The following C1orf94 variants were observed in gnomAD, a reference collection of about 807,000 sequenced individuals.
The protein encoded by C1orf94 is chromosome 1 open reading frame 94.
In C1orf94, 45 loss-of-function variants were observed where a neutral mutation model predicts 53.6. The observed-to-expected ratio is 0.84, with a 90% confidence interval of 0.66 to 1.08. C1orf94 has a LOEUF of 1.08. Among genes scored for constraint, C1orf94 ranks in the 50% least tolerant of loss-of-function variants. The pLI is 0.00. For missense variants in C1orf94, 762 were observed against 738.9 expected, an observed-to-expected ratio of 1.03 and a Z score of -0.36; for synonymous variants, 304 against 296.1, an observed-to-expected ratio of 1.03 and a Z score of -0.27.
At chr1:34,209,341 T>G (rs996439705) in intron 5 of C1orf94, among the ~76,000 whole-genome samples, 4 of 144,492 alleles carry the variant, frequency 2.8e-5, no homozygotes, top group Admixed American at 1.4e-4. Flanking sequence ...AACACAGGTA[T>G]AGTTGTACAC....
Position 34,197,398 on chromosome 1 carries a change from C to A in C1orf94, c.494C>A (p.Pro165His), listed in dbSNP as rs776543523. Reference sequence around the variant, plus strand: ...CTGGCTCCCTGCATTCTTGCCCCTCCTCTAGTGGCAGGCAGTAATGAGCGC... The same window carrying A: ...CTGGCTCCCTGCATTCTTGCCCCTCATCTAGTGGCAGGCAGTAATGAGCGC... ...RELAPCILAP[P>H]LVAGSNERPR... The change falls in exon 2 of 7, where the codon CCT (proline) becomes CAT (histidine). Residue 165 changes from proline (P) to histidine (H), a missense_variant. By Grantham distance (77) the Pro-to-His change is moderately conservative. Coordinates refer to ENST00000488417, the MANE Select transcript of C1orf94 (RefSeq NM_001134734.2). This position sits in a 1 kb window ranked among gnomAD's most constrained non-coding sequence, Gnocchi z 4.1. The A allele has an allele frequency of 3.7e-6, 6 of 1,613,846 alleles. No individual in the cohort carries two copies. The highest frequency in any genetic ancestry group is 3.4e-6 in the Non-Finnish European group (4 of 1,179,804).
At chr1:34,213,827 C>G (rs879594311) in intron 6 of C1orf94, among the ~76,000 whole-genome samples, 1 of 152,126 alleles carries the variant, frequency 6.6e-6, no homozygotes, top group Non-Finnish European at 1.5e-5. Flanking sequence ...AGCCATGAGC[C>G]ACCGTGCCCA....
chr1:34,218,649 G>T (rs774542937), intron 6 of C1orf94, 37 bp from the exon 7 acceptor site: 2 of 1,527,740 alleles, frequency 1.3e-6, no homozygotes, highest in Non-Finnish European at 1.8e-6. Flanking sequence ...ATAACATTAG[G>T]AATCTCATCA....
chr1:34,169,373 G>A (rs1438561639), intron 1 of C1orf94, among the ~76,000 whole-genome samples: 2 of 152,158 alleles, frequency 1.3e-5, no homozygotes, highest in South Asian at 2.1e-4. Flanking sequence ...ACAGGCAGTC[G>A]TGGGTTGAGG....
chr1:34,203,557 G>T (rs1320223439), intron 4 of C1orf94, among the ~76,000 whole-genome samples: 1 of 152,192 alleles, frequency 6.6e-6, no homozygotes, highest in African/African-American at 2.4e-5. Context: ...AATCCTCTGA[G>T]GATACCGTGG....
intron 4 of C1orf94, among the ~76,000 whole-genome samples, chr1:34,205,415 C>T (rs1223805680): frequency 1.3e-5 from 2 of 152,156 alleles, no homozygotes; most frequent in East Asian, 1.9e-4. Context: ...TAATAGCAGG[C>T]AGGTTTTGAA....
intron 1 of C1orf94, 65 bp downstream of exon 1, chr1:34,178,174 G>A: frequency 6.7e-7 from 1 of 1,482,302 alleles, no homozygotes; most frequent in Non-Finnish European, 9.1e-7. Context: ...GACCTTCTGG[G>A]GGAATGTTCT....
chr1:34,216,425 G>A (rs1393928822), intron 6 of C1orf94, among the ~76,000 whole-genome samples: 2 of 152,120 alleles, frequency 1.3e-5, no homozygotes, highest in Non-Finnish European at 2.9e-5. Flanking sequence ...ATGGGAAAGT[G>A]GAGTGCAGGA....
chr1:34,193,874 G>A (rs751065121), intron 1 of C1orf94, among the ~76,000 whole-genome samples: 2 of 152,210 alleles, frequency 1.3e-5, no homozygotes, highest in Non-Finnish European at 2.9e-5. Flanking sequence ...TCACAGCTGG[G>A]GCGGGCCCAT....
intron 1 of C1orf94, among the ~76,000 whole-genome samples, chr1:34,180,559 A>G (rs1642297969): frequency 6.6e-6 from 1 of 152,246 alleles, no homozygotes; most frequent in Non-Finnish European, 1.5e-5. Context: ...GTAGAGTTTC[A>G]GAAATGAAAC....
chr1:34,167,149 G>A (rs952159780), exon 1 of C1orf94: 2 of 152,420 alleles, frequency 1.3e-5, no homozygotes, highest in Non-Finnish European at 2.9e-5. Context: ...CTGGAGAGGA[G>A]GAAGGGACTG....
intron 6 of C1orf94, among the ~76,000 whole-genome samples, chr1:34,214,595 T>TG (rs1642952505): frequency 6.6e-6 from 1 of 152,146 alleles, no homozygotes; most frequent in Admixed American, 6.5e-5. Flanking sequence ...AAGATAGACT[T>TG]GCTGTAGGAG....
chr1:34,204,364 C>CG (rs1557487331), intron 4 of C1orf94, among the ~76,000 whole-genome samples: 1 of 152,082 alleles, frequency 6.6e-6, no homozygotes, highest in Non-Finnish European at 1.5e-5. Flanking sequence ...AACAAGTACC[C>CG]GTCCCCTCCC....
intron 1 of C1orf94, among the ~76,000 whole-genome samples, chr1:34,188,544 A>C (rs1412461245): frequency 6.6e-6 from 1 of 152,198 alleles, no homozygotes; most frequent in Non-Finnish European, 1.5e-5. Context: ...GTATAGCTTT[A>C]GTAAACCAGG....
chr1:34,198,046 C>G, intron 2 of C1orf94, 133 bp downstream of exon 2: 1 of 999,016 alleles, frequency 1.0e-6, no homozygotes, highest in Non-Finnish European at 1.4e-6. Context: ...CTGGTGGGCA[C>G]AGCCCCGAGG....
At chr1:34,168,624 G>A (rs1236576466) in intron 1 of C1orf94, among the ~76,000 whole-genome samples, 1 of 152,218 alleles carries the variant, frequency 6.6e-6, no homozygotes. Context: ...GAGGCTGGAA[G>A]TCCAAGATCA....
At chr1:34,208,025 C>G (rs1458946210) in intron 4 of C1orf94, 132 bp from the exon 5 acceptor site, 1 of 831,428 alleles carries the variant, frequency 1.2e-6, no homozygotes, top group Non-Finnish European at 1.9e-6. Flanking sequence ...CAGCTGGCCT[C>G]AGACAGCCCA....
chr1:34,170,691 G>T (rs1454998901), intron 1 of C1orf94, among the ~76,000 whole-genome samples: 1 of 148,854 alleles, frequency 6.7e-6, no homozygotes, highest in East Asian at 1.9e-4. Context: ...TCTCATAGGA[G>T]CCCCACCCCA....
At chr1:34,170,815 A>C (rs1642135459) in intron 1 of C1orf94, among the ~76,000 whole-genome samples, 1 of 151,852 alleles carries the variant, frequency 6.6e-6, no homozygotes, top group Non-Finnish European at 1.5e-5. Context: ...ATCCACCCAG[A>C]TCCTGAGCCA....
Sources: allele counts gnomAD v4.1 joint callset (sites outside exome capture counted in the v4.1 genomes callset), GRCh38; gene constraint gnomAD v4.1.1; non-coding constraint Gnocchi (gnomAD v3.1); transcripts MANE v1.5; gene names NCBI Gene and HGNC (gene_info 2026-07-23, HGNC 2026-07-21).